Variants in CCSER1 observed in about 807,000 individuals in gnomAD.
The protein encoded by CCSER1 is serine-rich coiled-coil domain-containing protein 1.
A neutral mutation model predicts 82.0 loss-of-function variants in CCSER1; 41 were observed. The observed-to-expected ratio is 0.50, with a 90% CI of 0.39 to 0.65. The LOEUF is 0.65. CCSER1 is among the 30% of genes least tolerant of loss of function. The probability of loss-of-function intolerance (pLI) is 0.00; values close to 1 mark genes in which losing one functional copy is unlikely to be tolerated. For missense variants in CCSER1, 1,119 were observed against 1,064.2 expected (o/e 1.05, Z -0.72); for synonymous variants, 414 against 383.9 (o/e 1.08, Z -0.92).
At chr4:91,485,573 C>T (rs1240956703) in intron 10 of CCSER1, among the ~76,000 whole-genome samples, 1 of 152,128 alleles carries the variant, frequency 6.6e-6, no homozygotes, top group Non-Finnish European at 1.5e-5. Context: ...CTCACTTGTA[C>T]TCTTCTTGCC....
intron 10 of CCSER1, among the ~76,000 whole-genome samples, chr4:91,110,867 A>T (rs1336458941): frequency 6.8e-6 from 1 of 146,098 alleles, no homozygotes; most frequent in Non-Finnish European, 1.5e-5. Flanking sequence ...TTTGCCTTTC[A>T]TATATTATAT....
chr4:90,234,213 T>C (rs1244893959), intron 1 of CCSER1, among the ~76,000 whole-genome samples: 2 of 151,372 alleles, frequency 1.3e-5, no homozygotes, highest in African/African-American at 4.9e-5. Flanking sequence ...CCTCTCTTAT[T>C]CTTTTTTTTT....
At chr4:90,950,957 G>A (rs1261936730) in intron 9 of CCSER1, among the ~76,000 whole-genome samples, 1 of 151,992 alleles carries the variant, frequency 6.6e-6, no homozygotes, top group Non-Finnish European at 1.5e-5. Context: ...GATTTTCACT[G>A]AAAAATTGTT....
intron 9 of CCSER1, among the ~76,000 whole-genome samples, chr4:90,930,910 T>TA (rs1729674620): frequency 4.6e-5 from 5 of 109,646 alleles, no homozygotes; most frequent in East Asian, 2.5e-4. Context: ...TATCCTTATT[T>TA]TATATATATA....
chr4:91,229,892 T>C (rs942579367), intron 10 of CCSER1, among the ~76,000 whole-genome samples: 1 of 151,976 alleles, frequency 6.6e-6, no homozygotes. Flanking sequence ...CACACAGGGC[T>C]CAAAGCCTAG....
At chr4:90,793,058 C>G (rs1338220427) in intron 7 of CCSER1, among the ~76,000 whole-genome samples, 1 of 152,206 alleles carries the variant, frequency 6.6e-6, no homozygotes, top group African/African-American at 2.4e-5. Context: ...AAAACAAAAA[C>G]TGTGTTACAC....
rs1239596150 is a variant in CCSER1, at chr4:91,604,684, TA to T, written c.*5633del. The T allele has an allele frequency of 2.0e-5, 3 of 152,182 alleles. No homozygotes were observed. The East Asian group carries it at 5.8e-4, about 29-fold the overall frequency. 9.4% of individuals were successfully genotyped at this position (152,182 alleles called of 1,614,324 possible). A position where few individuals can be genotyped will look rare whatever the true frequency, so the allele number is the denominator to read the frequency against. On this transcript the variant is annotated 3_prime_UTR_variant, in exon 11 of 11. Coordinates refer to ENST00000509176, the MANE Select transcript of CCSER1 (RefSeq NM_001145065.2). ...CTGTTTGTATTGCCTTATACATACT[TA>T]AAAAACAAGATATTTACAAAAATAT... is the stretch of plus-strand genomic sequence containing the variant.
intron 10 of CCSER1, among the ~76,000 whole-genome samples, chr4:91,206,235 C>T (rs1015442888): frequency 1.3e-5 from 2 of 151,840 alleles, no homozygotes; most frequent in Non-Finnish European, 2.9e-5. Context: ...GTGTTTGCTC[C>T]ATCAAGAGAA....
intron 1 of CCSER1, among the ~76,000 whole-genome samples, chr4:90,178,253 G>C (rs530413247): frequency 6.6e-6 from 1 of 152,084 alleles, no homozygotes; most frequent in African/African-American, 2.4e-5. Context: ...TTTCAGAGTT[G>C]GAATTTCATG....
At chr4:91,100,567 C>A (rs1323572240) in intron 10 of CCSER1, among the ~76,000 whole-genome samples, 1 of 152,158 alleles carries the variant, frequency 6.6e-6, no homozygotes, top group East Asian at 1.9e-4. Context: ...GGTAGCAAAT[C>A]CCAAATATGG....
intron 9 of CCSER1, among the ~76,000 whole-genome samples, chr4:91,005,180 A>T (rs1283860916): frequency 6.6e-6 from 1 of 152,142 alleles, no homozygotes; most frequent in Non-Finnish European, 1.5e-5. Flanking sequence ...CTCTTCCTTG[A>T]CTTGTGACAA....
At chr4:90,857,369 C>T (rs560601063) in intron 8 of CCSER1, among the ~76,000 whole-genome samples, 23 of 152,148 alleles carry the variant, frequency 1.5e-4, no homozygotes, top group South Asian at 1.0e-3. Flanking sequence ...CCACATTGAT[C>T]TCTCCATATG....
intron 9 of CCSER1, among the ~76,000 whole-genome samples, chr4:91,001,744 C>T (rs1366844772): frequency 3.9e-5 from 6 of 152,070 alleles, no homozygotes; most frequent in South Asian, 2.1e-4. Context: ...GCATTTAGAC[C>T]GTTTACATTC....
intron 5 of CCSER1, among the ~76,000 whole-genome samples, chr4:90,571,152 C>G (rs1780074280): frequency 6.6e-6 from 1 of 152,182 alleles, no homozygotes; most frequent in South Asian, 2.1e-4. Flanking sequence ...TAGTCCAGTC[C>G]CCGTGGAAAA....
At chr4:90,246,553 C>T (rs1401303295) in intron 1 of CCSER1, among the ~76,000 whole-genome samples, 1 of 152,104 alleles carries the variant, frequency 6.6e-6, no homozygotes, top group Non-Finnish European at 1.5e-5. Context: ...CTCCTGTTCT[C>T]AGTAAAAATT....
intron 6 of CCSER1, among the ~76,000 whole-genome samples, chr4:90,639,307 A>G (rs1401182623): frequency 1.3e-5 from 2 of 151,812 alleles, no homozygotes; most frequent in Non-Finnish European, 2.9e-5. Flanking sequence ...AATAATTTTT[A>G]ATAAAATTAA....
intron 10 of CCSER1, among the ~76,000 whole-genome samples, chr4:91,356,625 G>A (rs1216752697): frequency 3.3e-5 from 5 of 152,164 alleles, no homozygotes; most frequent in Non-Finnish European, 5.9e-5. Context: ...ATTTGGCAGA[G>A]TGCCCAGTAA....
At chr4:90,403,980 T>C (rs1753324989) in intron 4 of CCSER1, 2 of 152,158 alleles carry the variant, frequency 1.3e-5, no homozygotes, top group African/African-American at 4.8e-5. Flanking sequence ...TTTGAAGGAA[T>C]TGGATCACCG....
At chr4:91,326,707 C>T (rs1168201430) in intron 10 of CCSER1, among the ~76,000 whole-genome samples, 1 of 152,082 alleles carries the variant, frequency 6.6e-6, no homozygotes, top group Admixed American at 6.6e-5. Context: ...ACAGCAAGTC[C>T]CTTCTGCCTA....
Sources: gnomAD v4.1 joint callset for allele counts (sites outside exome capture counted in the v4.1 genomes callset) on GRCh38, gnomAD v4.1.1 for gene constraint, MANE v1.5 for transcripts, NCBI Gene and HGNC (gene_info 2026-07-23, HGNC 2026-07-21) for gene names.